OXR1: variants seen among roughly 807,000 people sequenced by gnomAD.
The protein encoded by OXR1 is oxidation resistance protein 1.
A neutral mutation model predicts 104.6 loss-of-function variants in OXR1; 41 were observed. The observed-to-expected ratio is 0.39, with a 90% CI of 0.31 to 0.51. The LOEUF is 0.51. Ranked by LOEUF, OXR1 falls within the 20% of genes least tolerant of loss-of-function variation. The pLI is 0.77. For missense variants in OXR1, 955 were observed against 1,031.9 expected (o/e 0.93, Z 1.02); for synonymous variants, 348 against 348.4 (o/e 1.00, Z 0.01).
At chr8:106,661,943 TA>T (rs1271444886) in intron 3 of OXR1, among the ~76,000 whole-genome samples, 5 of 152,160 alleles carry the variant, frequency 3.3e-5, no homozygotes, top group Non-Finnish European at 4.4e-5. Flanking sequence ...CTTGATGCAT[TA>T]ACTCCTCTGA....
intron 3 of OXR1, among the ~76,000 whole-genome samples, chr8:106,592,739 G>A (rs529474232): frequency 1.3e-5 from 2 of 152,288 alleles, no homozygotes; most frequent in African/African-American, 4.8e-5. Flanking sequence ...GCAGAGGCCA[G>A]GTCATGGTAG....
intron 3 of OXR1, among the ~76,000 whole-genome samples, chr8:106,607,441 A>C (rs1005335261): frequency 2.0e-5 from 3 of 152,180 alleles, no homozygotes; most frequent in Admixed American, 6.5e-5. Flanking sequence ...ACACTTTCAC[A>C]GTCCTCTCAA....
intron 14 of OXR1, among the ~76,000 whole-genome samples, chr8:106,741,001 C>T (rs1404483427): frequency 1.3e-5 from 2 of 152,188 alleles, no homozygotes; most frequent in East Asian, 3.9e-4. Flanking sequence ...GAACAAAACA[C>T]TGGTATTACT....
At chr8:106,697,161 G>A (rs1343991099) in intron 7 of OXR1, among the ~76,000 whole-genome samples, 2 of 152,184 alleles carry the variant, frequency 1.3e-5, no homozygotes, top group East Asian at 3.9e-4. Flanking sequence ...GTGAGGGACT[G>A]AGGCCCCTAA....
chr8:106,274,585 G>C (rs1360877158), intron 1 of OXR1, among the ~76,000 whole-genome samples: 2 of 148,016 alleles, frequency 1.4e-5, no homozygotes, highest in African/African-American at 2.5e-5. Flanking sequence ...AGACTCTGGG[G>C]CACCCAGCAA....
At chr8:106,684,382 G>GCAGAGAT in intron 6 of OXR1, 23 bp downstream of exon 6, 6 of 1,146,510 alleles carry the variant, frequency 5.2e-6, no homozygotes, top group Non-Finnish European at 6.6e-6. Flanking sequence ...GCTTTGCAAA[G>GCAGAGAT]ATGGCGATGA....
In OXR1 at chr8:106,706,454, AG is replaced by A; in HGVS notation, c.934del (p.Asp312ThrfsTer67). 6.3e-7 allele frequency: 1 copy of A among 1,597,874 alleles called. No homozygotes were observed. Among genetic ancestry groups the A allele is most frequent in the Non-Finnish European group, 8.5e-7 (1 of 1,175,612 alleles). On this transcript the variant is annotated frameshift_variant, in exon 9 of 17. Transcript: ENST00000517566. LOFTEE classifies it high-confidence loss of function. The part of the protein sequence containing the change: ...KMTGSNTEEI[D>X]SRIRDAGNDS... Reference sequence around the variant, plus strand: ...TGACAGGAAGTAACACTGAGGAAATAGACTCAAGAATCCGAGATGCAGGTAA... The same window carrying A: ...TGACAGGAAGTAACACTGAGGAAATAACTCAAGAATCCGAGATGCAGGTAA...
chr8:106,369,310 T>C (rs749870385), intron 2 of OXR1, among the ~76,000 whole-genome samples: 1 of 152,242 alleles, frequency 6.6e-6, no homozygotes, highest in African/African-American at 2.4e-5. Context: ...CTTTGTCAGA[T>C]GGGTAGATTG....
chr8:106,290,712 A>G (rs995996451), intron 1 of OXR1, among the ~76,000 whole-genome samples: 5 of 152,314 alleles, frequency 3.3e-5, no homozygotes, highest in Non-Finnish European at 5.9e-5. Context: ...ATCACTAATC[A>G]GCGTAGAAAT....
chr8:106,365,529 A>G (rs1367072801), intron 2 of OXR1, among the ~76,000 whole-genome samples: 2 of 152,144 alleles, frequency 1.3e-5, no homozygotes, highest in Non-Finnish European at 2.9e-5. Context: ...AAGTATCATT[A>G]TTTGGGTTAA....
chr8:106,395,526 G>A (rs1417886652), intron 2 of OXR1, among the ~76,000 whole-genome samples: 1 of 152,072 alleles, frequency 6.6e-6, no homozygotes, highest in Admixed American at 6.6e-5. Context: ...AATAGCATGG[G>A]AAAGACTGGC....
intron 2 of OXR1, among the ~76,000 whole-genome samples, chr8:106,368,713 C>T (rs1816586745): frequency 6.6e-6 from 1 of 152,128 alleles, no homozygotes; most frequent in Admixed American, 6.5e-5. Flanking sequence ...TCATCCATGT[C>T]CCTGCAAAAA....
chr8:106,661,076 A>T (rs1784492), intron 3 of OXR1, among the ~76,000 whole-genome samples: 1 of 151,792 alleles, frequency 6.6e-6, no homozygotes, highest in Non-Finnish European at 1.5e-5. Context: ...TACTCAGGAG[A>T]CTGAGGCAGG....
intron 2 of OXR1, among the ~76,000 whole-genome samples, chr8:106,413,588 G>A (rs1388231586): frequency 2.0e-5 from 3 of 151,984 alleles, no homozygotes; most frequent in Non-Finnish European, 4.4e-5. Flanking sequence ...TTTTATTTTA[G>A]CCCCCATACT....
intron 2 of OXR1, among the ~76,000 whole-genome samples, chr8:106,378,073 T>G (rs1036297626): frequency 5.3e-5 from 8 of 152,224 alleles, no homozygotes; most frequent in African/African-American, 1.9e-4. Context: ...TAAGTGCATA[T>G]CTATATTAAG....
chr8:106,593,327 G>A (rs1205127495), intron 3 of OXR1, among the ~76,000 whole-genome samples: 1 of 152,166 alleles, frequency 6.6e-6, no homozygotes, highest in East Asian at 1.9e-4. Flanking sequence ...CACCCATGAA[G>A]GGGAGAGTCC....
chr8:106,699,846 ATTAT>A (rs1035798400), intron 7 of OXR1, among the ~76,000 whole-genome samples: 3 of 152,274 alleles, frequency 2.0e-5, no homozygotes, highest in East Asian at 1.9e-4. Flanking sequence ...TATACAAAAG[ATTAT>A]TTATGTAACA....
chr8:106,645,973 C>G (rs1824040894), intron 3 of OXR1, among the ~76,000 whole-genome samples: 1 of 152,092 alleles, frequency 6.6e-6, no homozygotes, highest in Non-Finnish European at 1.5e-5. Context: ...AGACTTTCCC[C>G]CAACAGAAGG....
chr8:106,659,551 T>C (rs1825538112), intron 3 of OXR1, among the ~76,000 whole-genome samples: 1 of 152,214 alleles, frequency 6.6e-6, no homozygotes, highest in Admixed American at 6.5e-5. Context: ...AGTGTTCAAA[T>C]CAAGGACTTT....
Sources: allele counts gnomAD v4.1 joint callset (sites outside exome capture counted in the v4.1 genomes callset), GRCh38; gene constraint gnomAD v4.1.1; transcripts MANE v1.5; gene names NCBI Gene and HGNC (gene_info 2026-07-23, HGNC 2026-07-21).